USH2A: variants seen among roughly 807,000 people sequenced by gnomAD.
The protein encoded by USH2A is Usher syndrome 2A (autosomal recessive, mild).
USH2A carries 443 observed loss-of-function variants against 538.9 expected under a neutral mutation model. That is an observed-to-expected ratio of 0.82 (90% CI 0.76 to 0.89). The LOEUF is 0.89. USH2A is among the 40% of genes least tolerant of loss of function. The probability of loss-of-function intolerance (pLI) is 0.00; values close to 1 mark genes in which losing one functional copy is unlikely to be tolerated. For missense variants in USH2A, 6,633 were observed against 6,324.8 expected, an observed-to-expected ratio of 1.05 and a Z score of -1.65; for synonymous variants, 2,413 against 2,273.5, an observed-to-expected ratio of 1.06 and a Z score of -1.75.
chr1:215,931,550 C>T (rs1288583328), intron 38 of USH2A, among the ~76,000 whole-genome samples: 1 of 151,992 alleles, frequency 6.6e-6, no homozygotes, highest in Non-Finnish European at 1.5e-5. Context: ...ATAACCAGAG[C>T]ATTCCTACAT....
rs200876799 is a variant in USH2A at position 216,046,477 on chromosome 1, A to G, written c.6279T>C (p.Asp2093=). 196 of 1,613,680 alleles carry G rather than the reference A, an allele frequency of 1.2e-4. 1 individual carries two copies. Among genetic ancestry groups the G allele is most frequent in the Non-Finnish European group, 1.4e-4 (170 of 1,179,776 alleles). The change falls in exon 32 of 72, where the codon GAT becomes GAC. Residue 2093 remains aspartate, a synonymous_variant. Coordinates refer to ENST00000307340, the MANE Select transcript of USH2A (RefSeq NM_206933.4). ...CACTGCCTGAATAGATCAGCCTCCC[A>G]TCCATGTATAAACAGTACTGAGTTA... ...GIITQYCLYM[D]GRLIYSGSEE...
intron 47 of USH2A, among the ~76,000 whole-genome samples, chr1:215,829,448 T>C (rs1046910065): frequency 6.6e-6 from 1 of 152,186 alleles, no homozygotes; most frequent in Non-Finnish European, 1.5e-5. Context: ...CTTCTGAATT[T>C]CACCAAAAAT....
At chr1:216,340,536 C>CAA (rs58985032) in intron 4 of USH2A, among the ~76,000 whole-genome samples, 12,990 of 119,748 alleles carry the variant, frequency 0.11, 1,376 homozygotes, top group African/African-American at 0.28. Flanking sequence ...AGAGACATGA[C>CAA]AAAAAAAAAA....
chr1:215,749,423 T>C (rs1660564174), intron 58 of USH2A, among the ~76,000 whole-genome samples: 1 of 152,204 alleles, frequency 6.6e-6, no homozygotes, highest in Non-Finnish European at 1.5e-5. Context: ...CATATACCTA[T>C]GAGGTGCTGA....
At chr1:216,127,441 C>G (rs908190394) in intron 21 of USH2A, among the ~76,000 whole-genome samples, 1 of 152,092 alleles carries the variant, frequency 6.6e-6, no homozygotes, top group African/African-American at 2.4e-5. Context: ...ATGTATCCAT[C>G]GAGATGTCTA....
chr1:215,650,817 A>G lies in USH2A; in HGVS notation c.14134-16T>C, dbSNP rs1657048929. The stretch of plus-strand genomic sequence containing the variant: ...CTGCCCAGACCTCCAAAGAGAAATC[A>G]ACAAGACTGTCAAAAGCAAGATACC... On this transcript the variant is annotated splice_polypyrimidine_tract_variant and intron_variant, in intron 64 of 71. Transcript: ENST00000307340. The G allele has an allele frequency of 6.2e-7, 1 of 1,613,110 alleles. No individual in the cohort carries two copies. Among genetic ancestry groups the G allele is most frequent in the Non-Finnish European group, 8.5e-7 (1 of 1,179,870 alleles).
At position 215,758,576 on chromosome 1, in the gene USH2A, ACTT is replaced by A. The variant is rs1209702155; in HGVS notation, c.11389+16_11389+18del. 9 of 1,602,972 alleles carry A rather than the reference ACTT, an allele frequency of 5.6e-6. No individual in the cohort carries two copies. The Admixed American group carries it at 8.4e-5, about 15-fold the overall frequency. ...AAAATGTTTACACACACACACACAT[ACTT>A]CTTTTTTTTTTTTACCTGGTGGTAT... On this transcript the variant is annotated intron_variant, in intron 58 of 71. Coordinates refer to ENST00000307340, the MANE Select transcript of USH2A (RefSeq NM_206933.4).
intron 61 of USH2A, among the ~76,000 whole-genome samples, chr1:215,715,467 T>C (rs1659457027): frequency 6.6e-6 from 1 of 152,216 alleles, no homozygotes; most frequent in Non-Finnish European, 1.5e-5. Flanking sequence ...GTGTACTTAG[T>C]CTCACTATGG....
chr1:215,994,851 C>T (rs529368504), intron 34 of USH2A, among the ~76,000 whole-genome samples: 18 of 152,112 alleles, frequency 1.2e-4, no homozygotes, highest in Admixed American at 8.5e-4. Context: ...TGCTAAAAGT[C>T]CACCAGAAAA....
intron 71 of USH2A, among the ~76,000 whole-genome samples, chr1:215,627,618 C>T (rs1490882133): frequency 6.6e-6 from 1 of 151,750 alleles, no homozygotes; most frequent in Non-Finnish European, 1.5e-5. Flanking sequence ...TTCCACCTCC[C>T]AGGTTCAAGC....
chr1:216,278,185 A>G (rs1368354003), intron 11 of USH2A, among the ~76,000 whole-genome samples: 1 of 152,038 alleles, frequency 6.6e-6, no homozygotes, highest in Non-Finnish European at 1.5e-5. Flanking sequence ...AGGTATTGGT[A>G]TTTGGCCAAT....
chr1:215,902,281 A>C (rs1665521641), intron 38 of USH2A, among the ~76,000 whole-genome samples: 1 of 152,204 alleles, frequency 6.6e-6, no homozygotes, highest in Non-Finnish European at 1.5e-5. Flanking sequence ...TCTCCAATTC[A>C]GAAGAAGCTG....
Position 216,085,608 on chromosome 1 carries a change from C to T in USH2A, c.4988-731G>A, listed in dbSNP as rs966069175. ...CATAGACAAAGTAAAATTGGTTATT[C>T]ATAATGGAGATGTGTCCTCTACAGG... On this transcript the variant is annotated intron_variant, in intron 24 of 71. Coordinates refer to ENST00000307340, the MANE Select transcript of USH2A (RefSeq NM_206933.4). 2.6e-5 allele frequency among the ~76,000 whole-genome samples: 4 copies of T among 152,058 alleles called. 1 individual carries two copies. In the Middle Eastern group the frequency reaches 0.01, roughly 388 times the overall value.
At chr1:216,002,104 C>T (rs747885374) in intron 32 of USH2A, among the ~76,000 whole-genome samples, 4 of 152,064 alleles carry the variant, frequency 2.6e-5, no homozygotes, top group Admixed American at 6.6e-5. Context: ...TATAGGTACA[C>T]GACTGAGACA....
At chr1:215,791,001 T>C (rs1319425639) in intron 50 of USH2A, among the ~76,000 whole-genome samples, 3 of 152,272 alleles carry the variant, frequency 2.0e-5, no homozygotes, top group Non-Finnish European at 2.9e-5. Context: ...GTAGAGAGGA[T>C]CACTGATCCC....
chr1:216,156,034 T>C (rs916178409), intron 21 of USH2A, among the ~76,000 whole-genome samples: 3 of 152,166 alleles, frequency 2.0e-5, no homozygotes, highest in Admixed American at 6.5e-5. Context: ...AGTGGTCTTA[T>C]AAAGATGAAT....
At chr1:215,990,704 T>C (rs116665492) in intron 35 of USH2A, among the ~76,000 whole-genome samples, 2,164 of 152,028 alleles carry the variant, frequency 0.014, 52 homozygotes, top group African/African-American at 0.048. Flanking sequence ...GAAGAATGAG[T>C]TGTATTTCTA....
At chr1:215,830,321 C>T (rs1663275867) in intron 47 of USH2A, among the ~76,000 whole-genome samples, 1 of 152,142 alleles carries the variant, frequency 6.6e-6, no homozygotes, top group Non-Finnish European at 1.5e-5. Context: ...ATGATCAGAG[C>T]CAAGGAGCTG....
chr1:215,810,094 G>A (rs754889899), intron 49 of USH2A, among the ~76,000 whole-genome samples: 2 of 151,862 alleles, frequency 1.3e-5, no homozygotes, highest in African/African-American at 2.4e-5. Flanking sequence ...TTGACACCAG[G>A]GTATGCATTC....
Sources: gnomAD v4.1 joint callset for allele counts (sites outside exome capture counted in the v4.1 genomes callset) on GRCh38, gnomAD v4.1.1 for gene constraint, MANE v1.5 for transcripts, NCBI Gene and HGNC (gene_info 2026-07-23, HGNC 2026-07-21) for gene names.